ERP44: variants seen among roughly 807,000 people sequenced by gnomAD.
ERP44 encodes endoplasmic reticulum protein 44.
In ERP44, 25 loss-of-function variants were observed where a neutral mutation model predicts 53.4. The ratio of observed to expected loss-of-function variants is 0.47; its 90% CI spans 0.34 to 0.65. The LOEUF is 0.65. ERP44 is among the 30% of genes least tolerant of loss of function. The probability of loss-of-function intolerance (pLI) is 0.01; values close to 1 mark genes in which losing one functional copy is unlikely to be tolerated. For synonymous variants in ERP44, 145 were observed against 161.2 expected (o/e 0.90, Z 0.76); for missense variants, 338 against 493.2 (o/e 0.69, Z 2.98).
At chr9:99,989,301 T>C (rs1210998313) in intron 10 of ERP44, among the ~76,000 whole-genome samples, 2 of 152,104 alleles carry the variant, frequency 1.3e-5, no homozygotes, top group African/African-American at 2.4e-5. Flanking sequence ...TGACACCTCA[T>C]ACAGCTGGGT....
At chr9:99,996,631 C>T (rs895532975) in intron 10 of ERP44, among the ~76,000 whole-genome samples, 1 of 152,038 alleles carries the variant, frequency 6.6e-6, no homozygotes, top group Non-Finnish European at 1.5e-5. Context: ...CACCCATCAC[C>T]AGAGCAGTAT....
intron 10 of ERP44, chr9:99,998,759 TTTC>T (rs758278802): frequency 2.4e-4 from 185 of 778,190 alleles, no homozygotes; most frequent in Non-Finnish European, 3.7e-4. Flanking sequence ...CCCGCAAACG[TTTC>T]TTTTCTCTCT....
chr9:100,098,039 C>T (rs768476078), intron 1 of ERP44, among the ~76,000 whole-genome samples: 1 of 152,190 alleles, frequency 6.6e-6, no homozygotes, highest in Non-Finnish European at 1.5e-5. Context: ...AATTAGTCTG[C>T]ACACTCAAGA....
chr9:100,043,157 G>T (rs2118691508), intron 4 of ERP44, among the ~76,000 whole-genome samples: 1 of 148,844 alleles, frequency 6.7e-6, no homozygotes, highest in South Asian at 2.1e-4. Context: ...TACTCAGGAG[G>T]CTGAGGCAGG....
intron 10 of ERP44, among the ~76,000 whole-genome samples, chr9:100,005,092 T>C (rs563797351): frequency 6.6e-6 from 1 of 152,360 alleles, no homozygotes; most frequent in Non-Finnish European, 1.5e-5. Flanking sequence ...GTTAGTTCTC[T>C]TGACCTCATC....
chr9:99,998,522 C>A, intron 10 of ERP44: 1 of 719,104 alleles, frequency 1.4e-6, no homozygotes, highest in South Asian at 1.5e-5. Context: ...CCGGCTCCCC[C>A]ATCTCTGCTA....
intron 4 of ERP44, among the ~76,000 whole-genome samples, chr9:100,044,627 AT>A (rs1034596688): frequency 2.0e-5 from 3 of 152,228 alleles, no homozygotes; most frequent in Non-Finnish European, 4.4e-5. Context: ...AAGGTCATTT[AT>A]TACAGTGAAA....
chr9:100,079,749 C>T (rs1324637531), intron 1 of ERP44, among the ~76,000 whole-genome samples: 1 of 151,954 alleles, frequency 6.6e-6, no homozygotes, highest in African/African-American at 2.4e-5. Flanking sequence ...GCCTAGTCAG[C>T]ACAGCAAGAC....
At chr9:100,065,748 G>A (rs1301935597) in intron 1 of ERP44, among the ~76,000 whole-genome samples, 1 of 152,086 alleles carries the variant, frequency 6.6e-6, no homozygotes, top group Non-Finnish European at 1.5e-5. Context: ...TTTTAATTCA[G>A]TCATGAAAAT....
intron 7 of ERP44, among the ~76,000 whole-genome samples, chr9:100,017,083 C>T (rs910674871): frequency 3.3e-5 from 5 of 152,106 alleles, no homozygotes; most frequent in African/African-American, 7.2e-5. Flanking sequence ...ATGTAAGGCA[C>T]GACTATTTCT....
chr9:99,983,469 C>T (rs1019826636), intron 11 of ERP44, among the ~76,000 whole-genome samples: 4 of 147,212 alleles, frequency 2.7e-5, no homozygotes, highest in Non-Finnish European at 5.9e-5. Context: ...GGCGTGAACC[C>T]GGGAAGCGGA....
chr9:100,051,685 T>A (rs1826039216), intron 4 of ERP44, among the ~76,000 whole-genome samples: 1 of 152,072 alleles, frequency 6.6e-6, no homozygotes, highest in East Asian at 1.9e-4. Context: ...CGAAATACAA[T>A]GAGTTTAGCA....
chr9:100,019,083 CA>C (rs895289230), intron 6 of ERP44, among the ~76,000 whole-genome samples: 1 of 151,730 alleles, frequency 6.6e-6, no homozygotes, highest in East Asian at 1.9e-4. Flanking sequence ...TTGGTGGTTA[CA>C]AAAAAATGCT....
chr9:100,075,904 C>CA (rs1229517659), intron 1 of ERP44, among the ~76,000 whole-genome samples: 5 of 152,154 alleles, frequency 3.3e-5, no homozygotes, highest in African/African-American at 1.2e-4. Context: ...GGCTGCTGTG[C>CA]AAGCTGTTCT....
chr9:100,013,246 C>CG (rs1830494407), intron 8 of ERP44, among the ~76,000 whole-genome samples: 1 of 152,070 alleles, frequency 6.6e-6, no homozygotes, highest in Non-Finnish European at 1.5e-5. Flanking sequence ...AAATTATACT[C>CG]TTTCTTAAGA....
intron 10 of ERP44, among the ~76,000 whole-genome samples, chr9:99,992,219 G>C (rs1441545946): frequency 6.6e-6 from 1 of 152,116 alleles, no homozygotes. Flanking sequence ...AACAAAAAAA[G>C]AGAATTTAGA....
intron 10 of ERP44, among the ~76,000 whole-genome samples, chr9:99,989,254 T>A (rs1028147232): frequency 6.6e-6 from 1 of 152,184 alleles, no homozygotes; most frequent in Non-Finnish European, 1.5e-5. Context: ...GACCCCCGTG[T>A]AGCCTAACTG....
intron 10 of ERP44, chr9:99,999,103 G>A: frequency 1.5e-6 from 1 of 659,022 alleles, no homozygotes; most frequent in Non-Finnish European, 2.8e-6. Flanking sequence ...ACAGCGGCGG[G>A]GCGTGGACAC....
chr9:100,075,150 A>G (rs1022169438), intron 1 of ERP44, among the ~76,000 whole-genome samples: 2 of 152,216 alleles, frequency 1.3e-5, no homozygotes, highest in Admixed American at 1.3e-4. Context: ...GCACATCCCC[A>G]TTCTACTCTC....
Sources: allele counts gnomAD v4.1 joint callset (sites outside exome capture counted in the v4.1 genomes callset), GRCh38; gene constraint gnomAD v4.1.1; transcripts MANE v1.5; gene names NCBI Gene and HGNC (gene_info 2026-07-23, HGNC 2026-07-21).